The following PTPRM variants were observed in gnomAD, a reference collection of about 807,000 sequenced individuals.
The protein encoded by PTPRM is receptor-type tyrosine-protein phosphatase mu.
Under a neutral mutation model 186.7 loss-of-function variants are expected in PTPRM, and 47 were observed. The observed-to-expected ratio is 0.25, with a 90% confidence interval of 0.20 to 0.32. PTPRM has a LOEUF of 0.32. Among genes scored for constraint, PTPRM ranks in the 10% least tolerant of loss-of-function variants. The probability of loss-of-function intolerance (pLI) is 1.00; values close to 1 mark genes in which losing one functional copy is unlikely to be tolerated. For synonymous variants in PTPRM, 668 were observed against 674.9 expected (o/e 0.99, Z 0.16); for missense variants, 1,494 against 1,865.0 (o/e 0.80, Z 3.66).
intron 7 of PTPRM, among the ~76,000 whole-genome samples, chr18:8,012,756 T>C (rs755030178): frequency 1.7e-4 from 26 of 152,238 alleles, no homozygotes; most frequent in Non-Finnish European, 3.5e-4. Flanking sequence ...CACATGTCTG[T>C]ATATTATCTT....
chr18:7,815,756 GTTA>G (rs2044784038), intron 2 of PTPRM: 1 of 152,098 alleles, frequency 6.6e-6, no homozygotes, highest in Admixed American at 6.6e-5. Flanking sequence ...TGAGGGAAAG[GTTA>G]TTGATAAAGC....
At chr18:8,265,023 T>C (rs977512011) in intron 19 of PTPRM, among the ~76,000 whole-genome samples, 12 of 152,192 alleles carry the variant, frequency 7.9e-5, no homozygotes, top group African/African-American at 1.9e-4. Context: ...CACAGACCTA[T>C]GGAAATAACC....
At chr18:8,371,614 T>C (rs1028212974) in intron 24 of PTPRM, 2 of 152,536 alleles carry the variant, frequency 1.3e-5, no homozygotes, top group Non-Finnish European at 2.9e-5. Context: ...TTTTCCCCTT[T>C]TGTAGTTGCT....
chr18:8,280,751 C>G (rs745534764), intron 19 of PTPRM, among the ~76,000 whole-genome samples: 2 of 152,134 alleles, frequency 1.3e-5, no homozygotes, highest in Non-Finnish European at 2.9e-5. Context: ...ACTGCCCTTA[C>G]GTTCTTGTTC....
At chr18:7,755,163 T>C (rs2041415297) in intron 1 of PTPRM, 1 of 151,344 alleles carries the variant, frequency 6.6e-6, no homozygotes, top group Non-Finnish European at 1.5e-5. Flanking sequence ...CTAGTAGTAG[T>C]GGAGAGACAC....
chr18:8,157,503 T>C (rs1215896286), intron 14 of PTPRM, among the ~76,000 whole-genome samples: 1 of 152,226 alleles, frequency 6.6e-6, no homozygotes, highest in Non-Finnish European at 1.5e-5. Context: ...TCTTTAATTA[T>C]GAAGCTAGCT....
chr18:8,224,837 G>C (rs938451834), intron 14 of PTPRM, among the ~76,000 whole-genome samples: 1 of 152,208 alleles, frequency 6.6e-6, no homozygotes, highest in Admixed American at 6.5e-5. Flanking sequence ...TGGACTTGCT[G>C]TGAACTGGGG....
At chr18:8,144,380 G>C (rs141343289) in intron 14 of PTPRM, among the ~76,000 whole-genome samples, 274 of 152,334 alleles carry the variant, frequency 1.8e-3, no homozygotes, top group Middle Eastern at 6.8e-3. Flanking sequence ...TTGGGAGGTG[G>C]AGGCAGGTGA....
At chr18:8,132,229 G>T (rs1240924541) in intron 13 of PTPRM, among the ~76,000 whole-genome samples, 1 of 152,102 alleles carries the variant, frequency 6.6e-6, no homozygotes, top group East Asian at 1.9e-4. Context: ...ATAAACAAAA[G>T]TCTTTGTGAT....
chr18:7,612,400 A>G (rs1213465157), intron 1 of PTPRM, among the ~76,000 whole-genome samples: 2 of 152,134 alleles, frequency 1.3e-5, no homozygotes, highest in Non-Finnish European at 2.9e-5. Context: ...ATTTAAGTCT[A>G]CGTTCTGGGC....
At chr18:7,759,037 G>A (rs954869972) in intron 1 of PTPRM, among the ~76,000 whole-genome samples, 5 of 152,214 alleles carry the variant, frequency 3.3e-5, no homozygotes, top group Non-Finnish European at 7.3e-5. Context: ...GGTAACTGTA[G>A]CTTGTCCTTC....
At chr18:7,689,320 C>T (rs532031801) in intron 1 of PTPRM, among the ~76,000 whole-genome samples, 2 of 152,280 alleles carry the variant, frequency 1.3e-5, no homozygotes, top group South Asian at 2.1e-4. Context: ...TCAGACTGTT[C>T]GGGATTGGGC....
At chr18:8,302,048 C>A (rs57935156) in intron 20 of PTPRM, among the ~76,000 whole-genome samples, 1,808 of 152,300 alleles carry the variant, frequency 0.012, 33 homozygotes, top group African/African-American at 0.042. Context: ...GGAGCAAGAG[C>A]TGACAGGGCA....
intron 29 of PTPRM, among the ~76,000 whole-genome samples, chr18:8,382,109 C>T (rs180808454): frequency 1.9e-4 from 29 of 152,192 alleles, no homozygotes; most frequent in Non-Finnish European, 2.6e-4. Flanking sequence ...AGTCTTTTAG[C>T]GAACACTAAA....
chr18:8,293,117 C>G (rs1383247480), intron 19 of PTPRM, among the ~76,000 whole-genome samples: 1 of 152,088 alleles, frequency 6.6e-6, no homozygotes, highest in Non-Finnish European at 1.5e-5. Flanking sequence ...TTTTGATGCT[C>G]TCATAATAAG....
At chr18:7,998,977 A>C (rs991675041) in intron 7 of PTPRM, among the ~76,000 whole-genome samples, 1 of 152,180 alleles carries the variant, frequency 6.6e-6, no homozygotes, top group African/African-American at 2.4e-5. Flanking sequence ...TTTATTGTGC[A>C]TTTGGATGAT....
At chr18:7,885,818 A>G (rs2048755144) in intron 2 of PTPRM, among the ~76,000 whole-genome samples, 1 of 152,184 alleles carries the variant, frequency 6.6e-6, no homozygotes, top group Admixed American at 6.5e-5. Flanking sequence ...TGGATTTAGC[A>G]TTGGAGGCAG....
rs2039148439 is a variant in PTPRM at position 7,668,551 on chromosome 18, A to G, written c.73+100660A>G. On this transcript the variant is annotated intron_variant, in intron 1 of 32. Coordinates refer to ENST00000580170, the MANE Select transcript of PTPRM (RefSeq NM_001105244.2). This position sits in a 1 kb window ranked among gnomAD's most constrained non-coding sequence, Gnocchi z 4.7. ...GAGTGAATCATTCCTCTGCCATTCC[A>G]GAGGCTGCAGTCCTCACAGTGGCCT... is the stretch of plus-strand genomic sequence containing the variant. Among the ~76,000 whole-genome samples the G allele has an allele frequency of 6.6e-6, 1 of 152,130 alleles. No homozygotes were observed. Among genetic ancestry groups the G allele is most frequent in the Non-Finnish European group, 1.5e-5 (1 of 68,022 alleles).
At chr18:7,582,032 T>A (rs893218378) in intron 1 of PTPRM, among the ~76,000 whole-genome samples, 4 of 152,172 alleles carry the variant, frequency 2.6e-5, no homozygotes, top group African/African-American at 9.7e-5. Flanking sequence ...TGTGTACAAA[T>A]CTTTTGGTTA....
Sources: gnomAD v4.1 joint callset for allele counts (sites outside exome capture counted in the v4.1 genomes callset) on GRCh38, gnomAD v4.1.1 for gene constraint, Gnocchi (gnomAD v3.1) non-coding constraint, MANE v1.5 for transcripts, NCBI Gene and HGNC (gene_info 2026-07-23, HGNC 2026-07-21) for gene names.